Variants in LRP1B observed in about 807,000 individuals in gnomAD.
The protein encoded by LRP1B is low-density lipoprotein receptor-related protein 1B.
Under a neutral mutation model 556.6 loss-of-function variants are expected in LRP1B, and 217 were observed. The observed-to-expected ratio is 0.39, with a 90% confidence interval of 0.35 to 0.44. LRP1B has a LOEUF of 0.44. LRP1B is among the 20% of genes least tolerant of loss of function. The pLI is 1.00. For synonymous variants in LRP1B, 2,047 were observed against 1,865.8 expected (o/e 1.10, Z -2.50); for missense variants, 5,053 against 5,620.8 (o/e 0.90, Z 3.23).
chr2:141,334,994 A>T (rs1687793301), intron 3 of LRP1B, among the ~76,000 whole-genome samples: 1 of 152,214 alleles, frequency 6.6e-6, no homozygotes, highest in African/African-American at 2.4e-5. Flanking sequence ...TACTTTTTTC[A>T]GTTAACTCAT....
intron 2 of LRP1B, among the ~76,000 whole-genome samples, chr2:141,658,910 T>C (rs1161980981): frequency 6.6e-6 from 1 of 152,186 alleles, no homozygotes; most frequent in Non-Finnish European, 1.5e-5. Context: ...TTTTTATTTT[T>C]ATATTTTATT....
At chr2:140,595,655 T>C (rs1682413199) in intron 43 of LRP1B, among the ~76,000 whole-genome samples, 1 of 152,122 alleles carries the variant, frequency 6.6e-6, no homozygotes, top group Non-Finnish European at 1.5e-5. Context: ...CTGTCATTTG[T>C]TTTTACAACT....
At chr2:141,455,279 C>T (rs1681588426) in intron 3 of LRP1B, among the ~76,000 whole-genome samples, 1 of 150,562 alleles carries the variant, frequency 6.6e-6, no homozygotes, top group Non-Finnish European at 1.5e-5. Flanking sequence ...GAAAAATTAA[C>T]TTGTCCTAAT....
chr2:141,834,800 T>C (rs770167405), intron 1 of LRP1B, among the ~76,000 whole-genome samples: 2 of 151,730 alleles, frequency 1.3e-5, no homozygotes, highest in Non-Finnish European at 2.9e-5. Context: ...AAAGAAAAAC[T>C]TTACAGTACG....
At chr2:141,373,133 C>T in intron 3 of LRP1B, among the ~76,000 whole-genome samples, 1 of 151,872 alleles carries the variant, frequency 6.6e-6, no homozygotes, top group East Asian at 1.9e-4. Context: ...GTTTAATTTC[C>T]ATGTATTTGT....
intron 66 of LRP1B, among the ~76,000 whole-genome samples, chr2:140,391,378 G>A (rs548103006): frequency 1.4e-4 from 21 of 152,164 alleles, no homozygotes; most frequent in Non-Finnish European, 2.6e-4. Flanking sequence ...GAAGAGGAGT[G>A]TTGGGAGAAT....
chr2:141,231,514 T>C (rs990521262), intron 5 of LRP1B, among the ~76,000 whole-genome samples: 12 of 152,098 alleles, frequency 7.9e-5, no homozygotes, highest in African/African-American at 2.7e-4. Flanking sequence ...CACACAGAGA[T>C]GGTCCAGTGG....
intron 11 of LRP1B, among the ~76,000 whole-genome samples, chr2:141,047,911 T>C (rs1293952406): frequency 6.6e-6 from 1 of 152,252 alleles, no homozygotes; most frequent in South Asian, 2.1e-4. Context: ...TATCTGAGTA[T>C]ACCCACATAA....
At position 141,585,401 on chromosome 2, in the gene LRP1B, T is replaced by G. The variant is rs182216127; in HGVS notation, c.206-104868A>C. On this transcript the variant is annotated intron_variant, in intron 2 of 90. Transcript: ENST00000389484. ...GTAGGCAACAAATGTAAAGAAGTGC[T>G]TGTGAGTGTCCTGAAATAATCGTGT... Among the ~76,000 whole-genome samples, 658 of 146,728 alleles carry G rather than the reference T, an allele frequency of 4.5e-3. 2 individuals carry two copies. The highest frequency in any genetic ancestry group is 5.9e-3 in the Non-Finnish European group (393 of 66,842).
chr2:140,331,012 C>T (rs969411286), intron 79 of LRP1B, among the ~76,000 whole-genome samples: 1 of 152,004 alleles, frequency 6.6e-6, no homozygotes, highest in African/African-American at 2.4e-5. Context: ...GTACTTCATA[C>T]TATTAGATAG....
At chr2:140,706,649 T>C (rs1045316736) in intron 37 of LRP1B, among the ~76,000 whole-genome samples, 3 of 152,194 alleles carry the variant, frequency 2.0e-5, no homozygotes, top group Middle Eastern at 3.4e-3. Flanking sequence ...TGAGTTAATT[T>C]CCAACTGATT....
chr2:140,464,294 T>A (rs1687451072), intron 60 of LRP1B, among the ~76,000 whole-genome samples: 1 of 152,124 alleles, frequency 6.6e-6, no homozygotes, highest in African/African-American at 2.4e-5. Flanking sequence ...GCTGAAGGCA[T>A]CCATGGCCCA....
intron 87 of LRP1B, among the ~76,000 whole-genome samples, chr2:140,243,205 G>A (rs1681024226): frequency 6.6e-6 from 1 of 151,106 alleles, no homozygotes; most frequent in Admixed American, 6.6e-5. Flanking sequence ...TCAAACTTAG[G>A]AGATAAATCA....
At chr2:141,759,891 T>A (rs936804828) in intron 2 of LRP1B, among the ~76,000 whole-genome samples, 3 of 152,014 alleles carry the variant, frequency 2.0e-5, no homozygotes, top group Admixed American at 2.0e-4. Flanking sequence ...AGCACTTTGG[T>A]AGGCCGAGGC....
intron 84 of LRP1B, among the ~76,000 whole-genome samples, chr2:140,294,113 T>A (rs1439979853): frequency 1.3e-5 from 2 of 152,280 alleles, no homozygotes; most frequent in African/African-American, 4.8e-5. Flanking sequence ...ATAATATTTT[T>A]AAACTTAGTT....
intron 43 of LRP1B, among the ~76,000 whole-genome samples, chr2:140,596,857 G>A (rs1426159922): frequency 6.6e-6 from 1 of 151,998 alleles, no homozygotes; most frequent in Non-Finnish European, 1.5e-5. Context: ...TCCACGGGGA[G>A]GGCTATAAAA....
intron 3 of LRP1B, among the ~76,000 whole-genome samples, chr2:141,460,301 C>T (rs1417568360): frequency 6.6e-6 from 1 of 152,126 alleles, no homozygotes; most frequent in Non-Finnish European, 1.5e-5. Context: ...CATAACAACA[C>T]TCTTTGTTTC....
Position 140,700,360 on chromosome 2 carries a change from T to G in LRP1B, c.6689A>C (p.Asp2230Ala). Residue 2230 changes from aspartate (D) to alanine (A), a missense_variant, in exon 41 of 91, where the codon GAC becomes GCC. This residue lies in a region of LRP1B where 3,619 missense variants were observed against 3,931.9 expected (regional missense o/e 0.92). Transcript: ENST00000389484. The part of the protein sequence containing the change: ...YFKNVIALAF[D>A]YNQRRKGTNR... Reference sequence around the variant, plus strand: ...GGTACCTTTTCTTCTTTGATTATAGTCAAAAGCCAAGGCTATGACATTCTT... The same window carrying G: ...GGTACCTTTTCTTCTTTGATTATAGGCAAAAGCCAAGGCTATGACATTCTT... 1 of 1,613,310 alleles carries G rather than the reference T, an allele frequency of 6.2e-7. No individual in the cohort carries two copies. The highest frequency in any genetic ancestry group is 8.5e-7 in the Non-Finnish European group (1 of 1,179,628).
intron 41 of LRP1B, among the ~76,000 whole-genome samples, chr2:140,621,145 G>A (rs184327977): frequency 7.2e-4 from 110 of 151,934 alleles, no homozygotes; most frequent in Non-Finnish European, 1.3e-3. Flanking sequence ...ACTTTGGGAG[G>A]CCGAGGCAGG....
Sources: allele counts gnomAD v4.1 joint callset (sites outside exome capture counted in the v4.1 genomes callset), GRCh38; gene constraint gnomAD v4.1.1; regional missense constraint gnomAD v4.1.1; transcripts MANE v1.5; gene names NCBI Gene and HGNC (gene_info 2026-07-23, HGNC 2026-07-21).